SPTBN1: variants seen among roughly 807,000 people sequenced by gnomAD.
SPTBN1 encodes spectrin beta, non-erythrocytic 1.
SPTBN1 carries 32 observed loss-of-function variants against 266.4 expected under a neutral mutation model. The ratio of observed to expected loss-of-function variants is 0.12; its 90% CI spans 0.09 to 0.16. The LOEUF (loss-of-function observed/expected upper bound fraction) is 0.16. Ranked by LOEUF, SPTBN1 falls within the 10% of genes least tolerant of loss-of-function variation. The probability of loss-of-function intolerance (pLI) is 1.00; values close to 1 mark genes in which losing one functional copy is unlikely to be tolerated. For missense variants in SPTBN1, 2,296 were observed against 3,067.1 expected, an observed-to-expected ratio of 0.75 and a Z score of 5.94; for synonymous variants, 1,336 against 1,162.2, an observed-to-expected ratio of 1.15 and a Z score of -3.04.
chr2:54,512,522 AATG>A (rs1669911121), intron 1 of SPTBN1, among the ~76,000 whole-genome samples: 1 of 152,228 alleles, frequency 6.6e-6, no homozygotes, highest in South Asian at 2.1e-4. Context: ...TACAAAGAGA[AATG>A]ATCTTAAAAT....
At chr2:54,619,291 C>G (rs566050891) in intron 7 of SPTBN1, among the ~76,000 whole-genome samples, 48 of 152,312 alleles carry the variant, frequency 3.2e-4, no homozygotes, top group African/African-American at 1.2e-3. Flanking sequence ...TAAATGGTTT[C>G]TCAATATAAA....
chr2:54,573,456 G>A (rs1674229276), intron 2 of SPTBN1, among the ~76,000 whole-genome samples: 1 of 152,174 alleles, frequency 6.6e-6, no homozygotes. Context: ...AGGCAGTAAT[G>A]CTTCCCATCC....
intron 11 of SPTBN1, among the ~76,000 whole-genome samples, 194 bp from the exon 12 acceptor site, chr2:54,625,738 G>A (rs1340974185): frequency 3.3e-5 from 5 of 151,996 alleles, no homozygotes; most frequent in Admixed American, 2.0e-4. Flanking sequence ...TTACAGGCAC[G>A]TGCCACCACG....
chr2:54,464,871 T>C (rs1346785383), intron 1 of SPTBN1, among the ~76,000 whole-genome samples: 1 of 152,082 alleles, frequency 6.6e-6, no homozygotes, highest in East Asian at 1.9e-4. Flanking sequence ...TTAAATTTTT[T>C]TATAGAGACG....
intron 1 of SPTBN1, among the ~76,000 whole-genome samples, chr2:54,500,262 C>G (rs1669180785): frequency 6.6e-6 from 1 of 152,190 alleles, no homozygotes; most frequent in Non-Finnish European, 1.5e-5. Flanking sequence ...ATCTAAATCT[C>G]AAATACAACA....
intron 1 of SPTBN1, among the ~76,000 whole-genome samples, chr2:54,494,784 T>A (rs990188940): frequency 3.0e-4 from 45 of 152,120 alleles, no homozygotes; most frequent in African/African-American, 1.1e-3. Flanking sequence ...CATGGGAAAC[T>A]TAGGAGTGAT....
rs571420000 is a variant in SPTBN1, at chr2:54,670,776, G to A, written c.*2207G>A. The stretch of plus-strand genomic sequence containing the variant: ...TCTGTAGTTATGAAGCCAGGGTTTG[G>A]TGGTATTTGCTCTCTCTTGGTGCAT... On this transcript the variant is annotated 3_prime_UTR_variant, in exon 36 of 36. Transcript: ENST00000356805. 12 of 398,452 alleles carry A rather than the reference G, an allele frequency of 3.0e-5. No individual in the cohort carries two copies. In the South Asian group the frequency reaches 1.4e-3, roughly 46 times the overall value. The allele number at this position is 398,452 out of a possible 1,614,324, so 24.7% of individuals were successfully genotyped here.
chr2:54,564,782 A>G (rs570965214), intron 2 of SPTBN1, among the ~76,000 whole-genome samples: 1 of 152,210 alleles, frequency 6.6e-6, no homozygotes, highest in South Asian at 2.1e-4. Context: ...TAAGATTTGA[A>G]GTTTCAGCGC....
In SPTBN1 at chr2:54,631,575, A is replaced by G. The variant is rs1558448780; in HGVS notation, c.3528A>G (p.Arg1176=). ...CACATGCCTACCAGCAGTTCCTCAG[A>G]GACACGAAGCAAGCCGAAGCCTTTC... ...SQSHAYQQFL[R]DTKQAEAFLN... Residue 1176 remains arginine (R), a synonymous_variant, in exon 16 of 36, where the codon AGA becomes AGG. Transcript: ENST00000356805. 1 of 1,613,720 alleles carries G rather than the reference A, an allele frequency of 6.2e-7. No homozygotes were observed. The highest frequency in any genetic ancestry group is 2.2e-5 in the East Asian group (1 of 44,878).
chr2:54,481,242 C>T (rs1240199965), intron 1 of SPTBN1, among the ~76,000 whole-genome samples: 1 of 152,038 alleles, frequency 6.6e-6, no homozygotes, highest in East Asian at 1.9e-4. Flanking sequence ...TAGAATCTCT[C>T]TTGCTGTTTT....
At chr2:54,526,754 C>T (rs1312554686) in intron 2 of SPTBN1, 188 bp downstream of exon 2, 2 of 566,934 alleles carry the variant, frequency 3.5e-6, no homozygotes, top group African/African-American at 3.8e-5. Flanking sequence ...GCTGTCAACT[C>T]TAATGGCCAA....
intron 15 of SPTBN1, 24 bp from the exon 16 acceptor site, chr2:54,630,831 C>A (rs1002074078): frequency 3.9e-6 from 6 of 1,536,144 alleles, no homozygotes; most frequent in East Asian, 2.3e-5. Context: ...TTTTCACACT[C>A]GCTGTCTGCC....
At chr2:54,507,513 T>G (rs1174643853) in intron 1 of SPTBN1, among the ~76,000 whole-genome samples, 1 of 152,108 alleles carries the variant, frequency 6.6e-6, no homozygotes, top group African/African-American at 2.4e-5. Flanking sequence ...AAGAAACATT[T>G]GTCGTATAGA....
rs556748275 is a variant in SPTBN1, at chr2:54,646,657, T to G, written c.4866+182T>G. On this transcript the variant is annotated intron_variant, in intron 23 of 35. Transcript: ENST00000356805. This position sits in a 1 kb window ranked among gnomAD's most constrained non-coding sequence, Gnocchi z 4.4. The stretch of plus-strand genomic sequence containing the variant: ...GCTGGTTTCCCTTTGGTGCAGCATT[T>G]TCTTATCTGAATCCTAGTGTGCCAT... 6.6e-6 allele frequency among the ~76,000 whole-genome samples: 1 copy of G among 152,360 alleles called. No individual in the cohort carries two copies. Among genetic ancestry groups the G allele is most frequent in the African/African-American group, 2.4e-5 (1 of 41,580 alleles).
chr2:54,594,543 C>T (rs1400672398), intron 2 of SPTBN1, among the ~76,000 whole-genome samples: 1 of 152,070 alleles, frequency 6.6e-6, no homozygotes, highest in Admixed American at 6.6e-5. Context: ...GAACAAATTC[C>T]CCGTAGATAC....
chr2:54,482,203 C>G (rs1264476091), intron 1 of SPTBN1, among the ~76,000 whole-genome samples: 2 of 151,868 alleles, frequency 1.3e-5, no homozygotes, highest in Non-Finnish European at 2.9e-5. Flanking sequence ...ATTGGCATCC[C>G]CTGAGGAGAC....
Position 54,631,472 on chromosome 2 carries a change from A to C in SPTBN1, c.3425A>C (p.Gln1142Pro). 1 of 1,614,236 alleles carries C rather than the reference A, an allele frequency of 6.2e-7. No individual in the cohort carries two copies. The highest frequency in any genetic ancestry group is 8.5e-7 in the Non-Finnish European group (1 of 1,180,028). The change falls in exon 16 of 36, where the codon CAG becomes CCG. Residue 1142 changes from glutamine (Q) to proline (P), a missense_variant. Around this residue, in one of 12 missense-constraint regions of SPTBN1, gnomAD observed 386 missense variants for 486.1 expected, o/e 0.79. Transcript: ENST00000356805. ...QTDAQYMFLR[Q>P]RLQALDTGWN... ...GATGCCCAGTACATGTTTCTGCGGC[A>C]GCGGCTGCAGGCCCTGGACACTGGA... is the stretch of plus-strand genomic sequence containing the variant.
rs1680886435 is a variant in SPTBN1 at position 54,659,360 on chromosome 2, A to C, written c.6356+94A>C. 6 of 1,193,776 alleles carry C rather than the reference A, an allele frequency of 5.0e-6. No individual in the cohort carries two copies. The South Asian group carries it at 7.5e-5, about 15-fold the overall frequency. 73.9% of individuals were successfully genotyped at this position (1,193,776 alleles called of 1,614,324 possible). ...TCTGAAGCCTTGCATTGCTAGGCCT[A>C]ACCACATGCCCTGCCTACTGATTGC... On this transcript the variant is annotated intron_variant, in intron 31 of 35. Transcript: ENST00000356805.
At chr2:54,622,550 C>T in intron 9 of SPTBN1, 63 bp downstream of exon 9, 4 of 1,552,588 alleles carry the variant, frequency 2.6e-6, no homozygotes, top group Non-Finnish European at 3.5e-6. Flanking sequence ...GCCAACAGAT[C>T]CCTATGTTCT....
Sources: allele counts gnomAD v4.1 joint callset (sites outside exome capture counted in the v4.1 genomes callset), GRCh38; gene constraint gnomAD v4.1.1; regional missense constraint gnomAD v4.1.1; non-coding constraint Gnocchi (gnomAD v3.1); transcripts MANE v1.5; gene names NCBI Gene and HGNC (gene_info 2026-07-23, HGNC 2026-07-21).